The following CCDC91 variants were observed in gnomAD, a reference collection of about 807,000 sequenced individuals.
The protein encoded by CCDC91 is coiled-coil domain-containing protein 91.
CCDC91 carries 48 observed loss-of-function variants against 63.2 expected under a neutral mutation model. The observed-to-expected ratio is 0.76, with a 90% CI of 0.60 to 0.97. The LOEUF (loss-of-function observed/expected upper bound fraction) is 0.97. CCDC91 is among the 50% of genes least tolerant of loss of function. The probability of loss-of-function intolerance (pLI) is 0.00; values close to 1 mark genes in which losing one functional copy is unlikely to be tolerated. For synonymous variants in CCDC91, 167 were observed against 165.8 expected, an observed-to-expected ratio of 1.01 and a Z score of -0.06; for missense variants, 500 against 494.6, an observed-to-expected ratio of 1.01 and a Z score of -0.10.
intron 12 of CCDC91, among the ~76,000 whole-genome samples, chr12:28,521,973 G>T (rs1409932213): frequency 3.3e-5 from 5 of 152,138 alleles, no homozygotes; most frequent in Admixed American, 3.3e-4. Context: ...GATTCGGTTT[G>T]CCAGTATTTT....
intron 6 of CCDC91, among the ~76,000 whole-genome samples, chr12:28,311,125 G>A (rs1386317603): frequency 6.6e-6 from 1 of 151,958 alleles, no homozygotes; most frequent in Non-Finnish European, 1.5e-5. Context: ...AAAATGACAA[G>A]TTTTCCACTC....
At chr12:28,304,110 C>T (rs760382849) in intron 3 of CCDC91, among the ~76,000 whole-genome samples, 8 of 151,640 alleles carry the variant, frequency 5.3e-5, no homozygotes, top group Middle Eastern at 3.4e-3. Flanking sequence ...CAGGTGTGGT[C>T]GCTCACACCT....
chr12:28,425,013 T>TA (rs1948228185), intron 8 of CCDC91, among the ~76,000 whole-genome samples: 1 of 152,190 alleles, frequency 6.6e-6, no homozygotes, highest in African/African-American at 2.4e-5. Flanking sequence ...TGGCATGTAC[T>TA]TGAGGAGTCC....
intron 8 of CCDC91, among the ~76,000 whole-genome samples, chr12:28,435,964 CTTAATT>C (rs1056464233): frequency 1.2e-4 from 18 of 151,438 alleles, no homozygotes; most frequent in Admixed American, 5.9e-4. Flanking sequence ...TTCTCCAACC[CTTAATT>C]TTAATCTACA....
chr12:28,506,489 G>A lies in CCDC91; in HGVS notation c.1215+22324G>A, dbSNP rs183060788. 3.9e-4 allele frequency among the ~76,000 whole-genome samples: 60 copies of A among 152,060 alleles called. No individual in the cohort carries two copies. The East Asian group carries it at 7.8e-3, about 20-fold the overall frequency. On this transcript the variant is annotated intron_variant, in intron 12 of 12. Transcript: ENST00000536442. ...TTCCTAGTTACAGTCCAGTGAGTAA[G>A]AATTAATTCCCCAATGGAATTCAAA...
At chr12:28,498,528 C>T (rs915378511) in intron 12 of CCDC91, among the ~76,000 whole-genome samples, 6 of 151,610 alleles carry the variant, frequency 4.0e-5, no homozygotes, top group African/African-American at 1.5e-4. Context: ...CAAAGCATGT[C>T]ACACAGTCAA....
intron 6 of CCDC91, among the ~76,000 whole-genome samples, chr12:28,341,766 AG>A (rs1166026178): frequency 1.3e-5 from 2 of 152,172 alleles, no homozygotes; most frequent in Non-Finnish European, 2.9e-5. Flanking sequence ...AACTAGTAAA[AG>A]GAGGCTGAGA....
At chr12:28,304,789 A>G (rs987150398) in intron 3 of CCDC91, 4 of 432,060 alleles carry the variant, frequency 9.3e-6, no homozygotes, top group African/African-American at 8.4e-5. Context: ...ATTTTAAAAT[A>G]CATAATACAA....
rs1942180175 is a variant in CCDC91, at chr12:28,200,795, C to A, written c.-15+10154C>A. 2.6e-5 allele frequency among the ~76,000 whole-genome samples: 4 copies of A among 151,802 alleles called. No individual in the cohort carries two copies. The South Asian group carries it at 8.3e-4, about 32-fold the overall frequency. ...GTTCTCAATGAGCTGTTGGGTACAC[C>A]TCCCAGACGGGGTGGTGGCCGGGCA... On this transcript the variant is annotated intron_variant, in intron 1 of 12. Coordinates refer to ENST00000536442, the MANE Select transcript of CCDC91 (RefSeq NM_018318.5).
At chr12:28,368,391 G>A (rs1191136844) in intron 7 of CCDC91, among the ~76,000 whole-genome samples, 1 of 152,136 alleles carries the variant, frequency 6.6e-6, no homozygotes. Flanking sequence ...CCTAGCCTCT[G>A]ATCTATCCTG....
At chr12:28,350,156 GCAAAA>G (rs995315311) in intron 6 of CCDC91, among the ~76,000 whole-genome samples, 13 of 151,854 alleles carry the variant, frequency 8.6e-5, no homozygotes, top group Admixed American at 4.6e-4. Context: ...ACTATTACAA[GCAAAA>G]CAAAACAAAA....
intron 11 of CCDC91, among the ~76,000 whole-genome samples, chr12:28,462,454 A>G (rs554505220): frequency 3.3e-5 from 5 of 152,230 alleles, no homozygotes; most frequent in African/African-American, 7.2e-5. Context: ...TAGTAGGAGC[A>G]TGAAAAAAAT....
At chr12:28,366,047 A>C (rs1457245641) in intron 7 of CCDC91, among the ~76,000 whole-genome samples, 1 of 152,144 alleles carries the variant, frequency 6.6e-6, no homozygotes, top group Non-Finnish European at 1.5e-5. Context: ...AAAATGGCAA[A>C]AGCCTAAAAT....
At chr12:28,364,720 G>A (rs1321645123) in intron 7 of CCDC91, among the ~76,000 whole-genome samples, 1 of 124,934 alleles carries the variant, frequency 8.0e-6, no homozygotes, top group African/African-American at 2.7e-5. Flanking sequence ...AGAAGCATAC[G>A]GTAAAATAAT....
At chr12:28,312,170 T>A (rs950274168) in intron 6 of CCDC91, among the ~76,000 whole-genome samples, 47 of 152,004 alleles carry the variant, frequency 3.1e-4, no homozygotes. Flanking sequence ...TAAAATACAT[T>A]AATTTGAAAC....
chr12:28,429,930 G>T (rs1423522218), intron 8 of CCDC91, among the ~76,000 whole-genome samples: 1 of 151,918 alleles, frequency 6.6e-6, no homozygotes, highest in African/African-American at 2.4e-5. Context: ...AGAATCTTTA[G>T]TGGAAATTAT....
At chr12:28,461,210 GA>G (rs766445263) in intron 11 of CCDC91, among the ~76,000 whole-genome samples, 10 of 152,152 alleles carry the variant, frequency 6.6e-5, no homozygotes, top group Admixed American at 1.3e-4. Context: ...TATGGTCTAT[GA>G]CTGTACAAAC....
intron 8 of CCDC91, among the ~76,000 whole-genome samples, chr12:28,398,563 T>C (rs1391935298): frequency 2.0e-5 from 3 of 152,186 alleles, no homozygotes; most frequent in Non-Finnish European, 4.4e-5. Flanking sequence ...ATGGTAAGTA[T>C]ATGTTTAACT....
At chr12:28,397,108 C>CT (rs1946339929) in intron 8 of CCDC91, among the ~76,000 whole-genome samples, 1 of 152,084 alleles carries the variant, frequency 6.6e-6, no homozygotes, top group South Asian at 2.1e-4. Context: ...GAAGGAAACT[C>CT]TCTGGAAAGA....
Sources: gnomAD v4.1 joint callset for allele counts (sites outside exome capture counted in the v4.1 genomes callset) on GRCh38, gnomAD v4.1.1 for gene constraint, MANE v1.5 for transcripts, NCBI Gene and HGNC (gene_info 2026-07-23, HGNC 2026-07-21) for gene names.